ARMCX4: variants seen among roughly 807,000 people sequenced by gnomAD.
The protein encoded by ARMCX4 is armadillo repeat-containing X-linked protein 4.
Under a neutral mutation model 34.7 loss-of-function variants are expected in ARMCX4, and 3 were observed. That is an observed-to-expected ratio of 0.09 (90% CI 0.04 to 0.22). The LOEUF is 0.22. ARMCX4 is among the 10% of genes least tolerant of loss of function. ARMCX4 has a pLI of 1.00. For synonymous variants in ARMCX4, 513 were observed against 632.8 expected (o/e 0.81, Z 2.84); for missense variants, 1,448 against 1,720.8 (o/e 0.84, Z 2.81).
chrX:101,487,643 C>T lies in ARMCX4; in HGVS notation c.-251C>T. 2.1e-6 allele frequency: 2 copies of T among 968,126 alleles called. No homozygotes were observed. Among genetic ancestry groups the T allele is most frequent in the Non-Finnish European group, 2.7e-6 (2 of 752,881 alleles). The allele number at this position is 968,126 out of a possible 1,213,427, so 79.8% of individuals were successfully genotyped here. A position where few individuals can be genotyped will look rare whatever the true frequency, so the allele number is the denominator to read the frequency against. ...ATGTCTGCTGCAGGGCTTAAGATCA[C>T]TGGAAGCAAAGAAACAAAGAGGAGA... On this transcript the variant is annotated 5_prime_UTR_variant, in exon 4 of 6. Coordinates refer to ENST00000423738, the MANE Select transcript of ARMCX4 (RefSeq NM_001256155.3).
chrX:101,530,654 A>G (rs1180886704), intron 11 of ARMCX4, among the ~76,000 whole-genome samples: 4 of 112,026 alleles, frequency 3.6e-5, no homozygotes, highest in Non-Finnish European at 7.5e-5. Context: ...AAAGTGTTGA[A>G]AGAAAAGAAT....
At position 101,490,397 on chromosome X, in the gene ARMCX4, G is replaced by T. The variant is rs932884135; in HGVS notation, c.1808G>T (p.Gly603Val). ...AATCCCCAGGGTGAGGCCTTGCCTG[G>T]TGCCAAGAATAAAGTCAAGGGCAAT... ...VANPQGEALP[G>V]AKNKVKGNPH... The change falls in exon 6 of 6, where the codon GGT becomes GTT. Residue 603 changes from glycine (G) to valine (V), a missense_variant. Transcript: ENST00000423738. 2.2e-5 allele frequency: 25 copies of T among 1,153,506 alleles called. No individual in the cohort carries two copies. Among genetic ancestry groups the T allele is most frequent in the Non-Finnish European group, 2.8e-5 (24 of 872,255 alleles).
intron 4 of ARMCX4, among the ~76,000 whole-genome samples, chrX:101,480,277 A>G (rs782699633): frequency 1.8e-5 from 2 of 110,666 alleles, no homozygotes; most frequent in Admixed American, 9.6e-5. Context: ...TCCAGAATCC[A>G]AAGTGCTGGG....
At chrX:101,444,827 T>TTG (rs34645831) in intron 3 of ARMCX4, among the ~76,000 whole-genome samples, 51,351 of 107,791 alleles carry the variant, frequency 0.48, 10,318 homozygotes, top group Non-Finnish European at 0.62. Context: ...AGTTGCCATT[T>TTG]TGTGTGTGTG....
At chrX:101,514,333 A>G (rs1414408009) in intron 11 of ARMCX4, among the ~76,000 whole-genome samples, 3 of 111,220 alleles carry the variant, frequency 2.7e-5, no homozygotes, top group African/African-American at 9.8e-5. Context: ...ATAGCACCAT[A>G]TATTGGATTG....
intron 11 of ARMCX4, among the ~76,000 whole-genome samples, chrX:101,522,514 C>T (rs1934875356): frequency 8.9e-6 from 1 of 112,104 alleles, no homozygotes; most frequent in Non-Finnish European, 1.9e-5. Flanking sequence ...TTGGGATTCA[C>T]ATATGCCATT....
At chrX:101,527,530 A>G (rs1331209955) in intron 11 of ARMCX4, among the ~76,000 whole-genome samples, 1 of 111,844 alleles carries the variant, frequency 8.9e-6, no homozygotes, top group East Asian at 2.8e-4. Flanking sequence ...AAAAAAATCA[A>G]TGAATCCAGG....
rs1405975642 is a variant in ARMCX4 at position 101,510,897 on chromosome X, AGCCTAAT to A, written c.*1750-125_*1750-119del. 3 of 111,735 alleles carry A rather than the reference AGCCTAAT, an allele frequency of 2.7e-5. No homozygotes were observed. The East Asian group carries it at 8.3e-4, about 31-fold the overall frequency. The allele number at this position is 111,735 out of a possible 1,213,427, so 9.2% of individuals were successfully genotyped here. ...TCGTTTAGTTGTGTGTGGTTTGAGAAGCCTAATGCTCTTCTATTTCTTGTCCATTATA... is the reference window on the plus strand; with the variant it reads ...TCGTTTAGTTGTGTGTGGTTTGAGAAGCTCTTCTATTTCTTGTCCATTATA... On this transcript the variant is annotated intron_variant and NMD_transcript_variant, in intron 10 of 12. Transcript: ENST00000354842.
rs147971358 is a variant in ARMCX4, at chrX:101,488,574, T to C, written c.-16T>C. The C allele has an allele frequency of 1.9e-4, 224 of 1,154,139 alleles. No homozygotes were observed. In the African/African-American group the frequency reaches 3.2e-3, roughly 17 times the overall value. On this transcript the variant is annotated 5_prime_UTR_variant, in exon 6 of 6. Transcript: ENST00000423738. ...CTCTACCATACCTTGTTCGTGCTTT[T>C]AGCAGGGGTGATTACATGGGCCGCA...
In ARMCX4 at chrX:101,493,738, G is replaced by T; in HGVS notation, c.5149G>T (p.Ala1717Ser). 8.7e-7 allele frequency: 1 copy of T among 1,154,594 alleles called. No homozygotes were observed. The highest frequency in any genetic ancestry group is 1.9e-5 in the South Asian group (1 of 52,596). ...GGSWARSEDQ[A>S]SGRFQVSFEV... ...ATCCTGGGCTAGATCTGAGGACCAGGCCAGTGGAAGGTTCCAGGTCAGTTT... is the reference window on the plus strand; with the variant it reads ...ATCCTGGGCTAGATCTGAGGACCAGTCCAGTGGAAGGTTCCAGGTCAGTTT... The change falls in exon 6 of 6, where the codon GCC becomes TCC. Residue 1717 changes from alanine to serine, a missense_variant. Around this residue, in one of 2 missense-constraint regions of ARMCX4, gnomAD observed 1,343 missense variants for 1,540.7 expected, o/e 0.87. Coordinates refer to ENST00000423738, the MANE Select transcript of ARMCX4 (RefSeq NM_001256155.3).
intron 2 of ARMCX4, among the ~76,000 whole-genome samples, chrX:101,438,238 A>G (rs142706024): frequency 0.012 from 1,338 of 111,142 alleles, 10 homozygotes; most frequent in Non-Finnish European, 0.017. Context: ...TGTCTCGTTG[A>G]TCTGTCTAAT....
rs186370269 is a variant in ARMCX4 at position 101,433,105 on chromosome X, C to A, written n.165-10947C>A. Among the ~76,000 whole-genome samples the A allele has an allele frequency of 1.6e-3, 104 of 63,163 alleles. 2 individuals carry two copies. The highest frequency in any genetic ancestry group is 3.9e-3 in the Admixed American group (23 of 5,916). 54.8% of individuals were successfully genotyped at this position (63,163 alleles called of 115,157 possible). On this transcript the variant is annotated intron_variant and non_coding_transcript_variant, in intron 2 of 3. Transcript: ENST00000430461. ...GTATACATATATGTGTATACATACG[C>A]ACGTATACACATGTATGTATACATA...
intron 2 of ARMCX4, among the ~76,000 whole-genome samples, chrX:101,424,659 A>G (rs1456472781): frequency 8.9e-6 from 1 of 112,087 alleles, no homozygotes; most frequent in Non-Finnish European, 1.9e-5. Flanking sequence ...AGCATTCTAT[A>G]TTAAATAGAG....
chrX:101,503,741 G>C (rs1556014329), intron 7 of ARMCX4, among the ~76,000 whole-genome samples: 1 of 111,153 alleles, frequency 9.0e-6, no homozygotes, highest in Non-Finnish European at 1.9e-5. Flanking sequence ...TAGGTTGCCT[G>C]TTCACTCTGA....
At chrX:101,457,674 A>C in intron 4 of ARMCX4, among the ~76,000 whole-genome samples, 2 of 111,057 alleles carry the variant, frequency 1.8e-5, no homozygotes, top group Middle Eastern at 9.3e-3. Flanking sequence ...GTGAGCCGAG[A>C]TCGCGCCATT....
chrX:101,457,869 A>G (rs1441682509), intron 4 of ARMCX4, among the ~76,000 whole-genome samples: 1 of 109,045 alleles, frequency 9.2e-6, no homozygotes, highest in Non-Finnish European at 1.9e-5. Context: ...CAGCCTCCTG[A>G]GTAGCTGGGA....
At chrX:101,479,606 G>A (rs1346800952) in intron 4 of ARMCX4, among the ~76,000 whole-genome samples, 2 of 108,129 alleles carry the variant, frequency 1.8e-5, no homozygotes, top group African/African-American at 3.4e-5. Flanking sequence ...TCAGCCTCCC[G>A]AGTAGCTTGG....
At chrX:101,496,725 G>T (rs150629300), downstream of ARMCX4, among the ~76,000 whole-genome samples, 3,203 of 111,401 alleles carry the variant, frequency 0.029, 119 homozygotes, top group African/African-American at 0.098. Flanking sequence ...GATACACATA[G>T]AAGATCTACC....
chrX:101,449,271 T>C (rs1931841433), downstream of ARMCX4, among the ~76,000 whole-genome samples: 1 of 112,556 alleles, frequency 8.9e-6, no homozygotes, highest in Admixed American at 9.4e-5. Flanking sequence ...AGAAGTTCTC[T>C]GTTATTATCC....
Sources: gnomAD v4.1 joint callset for allele counts (sites outside exome capture counted in the v4.1 genomes callset) on GRCh38, gnomAD v4.1.1 for gene constraint, gnomAD v4.1.1 regional missense constraint, MANE v1.5 for transcripts, NCBI Gene and HGNC (gene_info 2026-07-23, HGNC 2026-07-21) for gene names.